Variants in EIF4A1 observed in about 807,000 individuals in gnomAD.
EIF4A1 encodes the protein eukaryotic initiation factor 4A-I.
A neutral mutation model predicts 53.5 loss-of-function variants in EIF4A1; 11 were observed. The observed-to-expected ratio is 0.21, with a 90% CI of 0.13 to 0.34. The LOEUF (loss-of-function observed/expected upper bound fraction) is 0.34. Ranked by LOEUF, EIF4A1 falls within the 10% of genes least tolerant of loss-of-function variation. EIF4A1 has a pLI of 1.00. For missense variants in EIF4A1, 213 were observed against 530.8 expected, an observed-to-expected ratio of 0.40 and a Z score of 5.88; for synonymous variants, 237 against 186.7, an observed-to-expected ratio of 1.27 and a Z score of -2.20.
chr17:7,578,088 A>T, intron 9 of EIF4A1, 77 bp from the exon 10 acceptor site: 5 of 1,604,522 alleles, frequency 3.1e-6, no homozygotes, highest in Non-Finnish European at 4.3e-6. Context: ...GGCTGCCCAC[A>T]TGGATGCCTA....
chr17:7,574,377 C>T (rs889236279), intron 2 of EIF4A1, 69 bp downstream of exon 2: 48 of 1,610,528 alleles, frequency 3.0e-5, no homozygotes, highest in Non-Finnish European at 3.9e-5. Flanking sequence ...TTAGAGTGGC[C>T]TCTTGATTGA....
intron 5 of EIF4A1, 176 bp from the exon 6 acceptor site, chr17:7,576,879 TC>T: frequency 7.5e-7 from 1 of 1,335,190 alleles, no homozygotes. Context: ...CCTGGCAGTG[TC>T]CTACTTCCCA....
At chr17:7,573,786 G>GT (rs1414024900) in intron 1 of EIF4A1, 2 of 151,218 alleles carry the variant, frequency 1.3e-5, no homozygotes, top group Non-Finnish European at 3.0e-5. Context: ...GGCAACGCGA[G>GT]GGGGGGGCTT....
intron 4 of EIF4A1, chr17:7,575,488 G>A: frequency 1.5e-6 from 1 of 682,778 alleles, no homozygotes; most frequent in East Asian, 2.9e-5. Flanking sequence ...AAGCCTGGCT[G>A]GCTGGGCAAG....
chr17:7,575,181 A>G lies in EIF4A1; in HGVS notation c.268A>G (p.Ile90Val), dbSNP rs768559825. 1 of 1,613,094 alleles carries G rather than the reference A, an allele frequency of 6.2e-7. No individual in the cohort carries two copies. Among genetic ancestry groups the G allele is most frequent in the Non-Finnish European group, 8.5e-7 (1 of 1,180,030 alleles). Residue 90 changes from isoleucine to valine, a missense_variant, in exon 4 of 11, where the codon ATT becomes GTT. This residue lies in a region of EIF4A1 where 119 missense variants were observed against 351.0 expected (regional missense o/e 0.34). Coordinates refer to ENST00000293831, the MANE Select transcript of EIF4A1 (RefSeq NM_001416.4). The stretch of plus-strand genomic sequence containing the variant: ...GAAAACGGCCACATTTGCCATATCG[A>G]TTCTGCAGCAGATTGAATTAGATCT... ...TGKTATFAIS[I>V]LQQIELDLKA...
chr17:7,574,520 A>G, intron 2 of EIF4A1, 26 bp from the exon 3 acceptor site: 11 of 1,613,166 alleles, frequency 6.8e-6, no homozygotes, highest in Non-Finnish European at 9.3e-6. Context: ...CCATGACTCA[A>G]GCTTTAATTT....
chr17:7,576,854 C>T (rs1303101686), intron 5 of EIF4A1, 162 bp downstream of exon 5: 3 of 1,413,320 alleles, frequency 2.1e-6, no homozygotes, highest in East Asian at 4.6e-5. Context: ...CCTCTGGCTT[C>T]CCTGCCAGTG....
rs760323308 is a variant in EIF4A1 at position 7,577,913 on chromosome 17, G to T, written c.993G>T (p.Leu331=). The part of the protein sequence containing the change: ...GSSRVLITTD[L]LARGIDVQQV... ...GCAGAGTTTTGATTACCACTGACCT[G>T]CTGGTGAGTAGAGGGAACTGATAGC... is the stretch of plus-strand genomic sequence containing the variant. The change falls in exon 9 of 11, where the codon CTG becomes CTT. Residue 331 remains leucine (L), a synonymous_variant. Coordinates refer to ENST00000293831, the MANE Select transcript of EIF4A1 (RefSeq NM_001416.4). The surrounding 1 kb of genome is among the most constrained non-coding windows in gnomAD (Gnocchi z 4.7). 1 of 1,614,206 alleles carries T rather than the reference G, an allele frequency of 6.2e-7. No homozygotes were observed. The highest frequency in any genetic ancestry group is 2.2e-5 in the East Asian group (1 of 44,884).
intron 3 of EIF4A1, 32 bp from the exon 4 acceptor site, chr17:7,575,087 T>TACC (rs1567733720): frequency 6.2e-7 from 1 of 1,610,830 alleles, no homozygotes; most frequent in Non-Finnish European, 8.5e-7. Flanking sequence ...GTATGCTCTT[T>TACC]ACCACATTCA....
intron 1 of EIF4A1, chr17:7,573,696 T>C (rs1433177265): frequency 6.4e-6 from 1 of 155,772 alleles, no homozygotes; most frequent in African/African-American, 2.4e-5. Context: ...CTTCTAAGTG[T>C]TGTGCAATCT....
At chr17:7,576,865 C>A in intron 5 of EIF4A1, 173 bp downstream of exon 5, 1 of 1,362,426 alleles carries the variant, frequency 7.3e-7, no homozygotes, top group Non-Finnish European at 1.0e-6. Flanking sequence ...CCTGCCAGTG[C>A]AGCCCTGGCA....
rs370545366 is a variant in EIF4A1, at chr17:7,574,879, C to T, written c.205+201C>T. On this transcript the variant is annotated intron_variant, in intron 3 of 10. Coordinates refer to ENST00000293831, the MANE Select transcript of EIF4A1 (RefSeq NM_001416.4). The stretch of plus-strand genomic sequence containing the variant: ...TTTAAAGAGGTGGTATTGTAGCCAG[C>T]TTATATTTGCATCTACAGCCATGTT... The T allele has an allele frequency of 5.4e-4, 584 of 1,072,496 alleles. 1 individual carries two copies. Among genetic ancestry groups the T allele is most frequent in the Non-Finnish European group, 7.3e-4 (515 of 701,380 alleles). The allele number at this position is 1,072,496 out of a possible 1,614,324, so 66.4% of individuals were successfully genotyped here.
At chr17:7,578,305 GCTC>G in intron 10 of EIF4A1, 34 bp from the exon 11 acceptor site, 2 of 1,610,454 alleles carry the variant, frequency 1.2e-6, no homozygotes, top group South Asian at 1.1e-5. Flanking sequence ...TGGGCTTAAA[GCTC>G]CTGATATTCC....
In EIF4A1 at chr17:7,577,472, C is replaced by A; in HGVS notation, c.753C>A (p.Ile251=). 6.2e-7 allele frequency: 1 copy of A among 1,614,088 alleles called. No individual in the cohort carries two copies. The highest frequency in any genetic ancestry group is 2.2e-5 in the East Asian group (1 of 44,886). ...TGGAGGGTATCCGCCAGTTCTACAT[C>A]AACGTGGAACGAGAGGTGGGGCCCA... is the stretch of plus-strand genomic sequence containing the variant. ...LTLEGIRQFY[I]NVEREEWKLD... is the part of the protein sequence containing the mutation. Residue 251 remains isoleucine (I), a synonymous_variant, in exon 7 of 11, where the codon ATC becomes ATA. Transcript: ENST00000293831. The surrounding 1 kb of genome is among the most constrained non-coding windows in gnomAD (Gnocchi z 4.7).
In EIF4A1 at chr17:7,578,130, G is replaced by A. The variant is rs376495780; in HGVS notation, c.997-35G>A. ...TTCCCTCCGGGATAGAGTGTCCTCC[G>A]TGCACATGCTGAAGAGTTGTCTTTC... is the stretch of plus-strand genomic sequence containing the variant. On this transcript the variant is annotated intron_variant, in intron 9 of 10. Transcript: ENST00000293831. The A allele has an allele frequency of 1.6e-5, 26 of 1,613,834 alleles. No individual in the cohort carries two copies. The East Asian group carries it at 2.2e-4, about 14-fold the overall frequency.
At chr17:7,575,337 C>T in intron 4 of EIF4A1, 79 bp downstream of exon 4, 1 of 1,595,156 alleles carries the variant, frequency 6.3e-7, no homozygotes, top group Non-Finnish European at 8.5e-7. Context: ...GAAGTCTTCT[C>T]TGATCACCAC....
intron 1 of EIF4A1, chr17:7,573,305 G>GC (rs2150923666): frequency 3.5e-6 from 1 of 283,060 alleles, no homozygotes; most frequent in East Asian, 9.8e-5. Flanking sequence ...AGGCGGGGGT[G>GC]CCTGGTCCTT....
rs370263882 is a variant in EIF4A1, at chr17:7,572,836, A to G, written c.-6A>G. 5.0e-6 allele frequency: 8 copies of G among 1,614,016 alleles called. No individual in the cohort carries two copies. The African/African-American group carries it at 8.0e-5, about 16-fold the overall frequency. On this transcript the variant is annotated 5_prime_UTR_variant, in exon 1 of 11. Transcript: ENST00000293831. ...GGCGGGCACTCCGCCCTAGTTTCTAAGGATCATGTCTGCGAGCCAGGATTC... is the reference window on the plus strand; with the variant it reads ...GGCGGGCACTCCGCCCTAGTTTCTAGGGATCATGTCTGCGAGCCAGGATTC...
rs549023672 is a variant in EIF4A1, at chr17:7,574,483, G to A, written c.73-63G>A. 58 of 1,606,366 alleles carry A rather than the reference G, an allele frequency of 3.6e-5. 1 individual carries two copies. The East Asian group carries it at 5.1e-4, about 14-fold the overall frequency. ...AGTAGGCACCAGATTCTGTTTGCTC[G>A]GAGACTACAGCTCAGCTCCACCTTT... On this transcript the variant is annotated intron_variant, in intron 2 of 10. Transcript: ENST00000293831.
Sources: allele counts gnomAD v4.1 joint callset, GRCh38; gene constraint gnomAD v4.1.1; regional missense constraint gnomAD v4.1.1; non-coding constraint Gnocchi (gnomAD v3.1); transcripts MANE v1.5; gene names NCBI Gene and HGNC (gene_info 2026-07-23, HGNC 2026-07-21).